The following FMN1 variants were observed in gnomAD, a reference collection of about 807,000 sequenced individuals.
FMN1 encodes formin-1.
Under a neutral mutation model 132.4 loss-of-function variants are expected in FMN1, and 110 were observed. The ratio of observed to expected loss-of-function variants is 0.83; its 90% CI spans 0.71 to 0.97. The LOEUF is 0.97. Among genes scored for constraint, FMN1 ranks in the 50% least tolerant of loss-of-function variants. The pLI is 0.00. For synonymous variants in FMN1, 722 were observed against 651.7 expected (o/e 1.11, Z -1.64); for missense variants, 1,792 against 1,705.3 (o/e 1.05, Z -0.90).
In FMN1 at chr15:32,798,932, AT is replaced by A. The variant is rs2057383854; in HGVS notation, c.4001del (p.Tyr1334PhefsTer4). The A allele has an allele frequency of 6.2e-7, 1 of 1,613,520 alleles. No homozygotes were observed. The highest frequency in any genetic ancestry group is 1.3e-5 in the African/African-American group (1 of 74,894). On this transcript the variant is annotated frameshift_variant, in exon 19 of 21. Transcript: ENST00000616417. LOFTEE classifies it high-confidence loss of function. The stretch of plus-strand genomic sequence containing the variant: ...CACCAGACTTTGGCTTCATCCCAAA[AT>A]ATCGTACTGTTGTTTCAAAACTGCA... ...AQKSFETTVR[Y>X]FGMKPKSGEK...
chr15:33,167,219 G>A (rs1323376357), intron 3 of FMN1, among the ~76,000 whole-genome samples: 1 of 152,108 alleles, frequency 6.6e-6, no homozygotes, highest in Non-Finnish European at 1.5e-5. Flanking sequence ...AATCATGGTG[G>A]CGGTTTTCCC....
chr15:33,154,766 C>T lies in FMN1; in HGVS notation c.149G>A (p.Cys50Tyr). The T allele has an allele frequency of 6.5e-7, 1 of 1,536,118 alleles. No individual in the cohort carries two copies. The highest frequency in any genetic ancestry group is 8.7e-7 in the Non-Finnish European group (1 of 1,146,928). Reference sequence around the variant, plus strand: ...GTCTGACTCCTCCCTGACTTGGTAGCAGTTATGAAAACCTTTATTGGATCT... The same window carrying T: ...GTCTGACTCCTCCCTGACTTGGTAGTAGTTATGAAAACCTTTATTGGATCT... ...LDRSNKGFHN[C>Y]YQVREESDII... The change falls in exon 4 of 21, where the codon TGC (cysteine) becomes TAC (tyrosine). Residue 50 changes from cysteine to tyrosine, a missense_variant. Physicochemically the swap from Cys to Tyr is radical, Grantham distance 194. Around this residue, in one of 3 missense-constraint regions of FMN1, gnomAD observed 638 missense variants for 645.2 expected, o/e 0.99. Coordinates refer to ENST00000616417, the MANE Select transcript of FMN1 (RefSeq NM_001277313.2).
chr15:33,016,712 C>T (rs537461912), intron 6 of FMN1, among the ~76,000 whole-genome samples: 35 of 152,316 alleles, frequency 2.3e-4, no homozygotes, highest in South Asian at 8.3e-4. Context: ...AGGAAGAGAT[C>T]TAACTCCACT....
At chr15:33,002,980 T>C (rs1043004758) in intron 7 of FMN1, among the ~76,000 whole-genome samples, 1 of 152,160 alleles carries the variant, frequency 6.6e-6, no homozygotes, top group African/African-American at 2.4e-5. Flanking sequence ...ATTATCTCAA[T>C]AGATGCAGAA....
intron 9 of FMN1, among the ~76,000 whole-genome samples, chr15:32,951,252 C>T (rs1417712927): frequency 6.6e-6 from 1 of 152,094 alleles, no homozygotes; most frequent in African/African-American, 2.4e-5. Context: ...AAAATTGTAT[C>T]ACAAACACAG....
At chr15:32,921,356 ACT>A (rs1416718460) in intron 10 of FMN1, among the ~76,000 whole-genome samples, 1 of 152,196 alleles carries the variant, frequency 6.6e-6, no homozygotes, top group Non-Finnish European at 1.5e-5. Context: ...ATCAAAGACC[ACT>A]GTAGTTGGCT....
chr15:32,998,572 G>A (rs2033914051), intron 7 of FMN1, among the ~76,000 whole-genome samples: 1 of 152,184 alleles, frequency 6.6e-6, no homozygotes, highest in South Asian at 2.1e-4. Flanking sequence ...GGACAAGTCT[G>A]GAGAGAAGGA....
intron 5 of FMN1, among the ~76,000 whole-genome samples, chr15:33,081,668 C>A (rs1440175583): frequency 6.6e-6 from 1 of 152,114 alleles, no homozygotes; most frequent in Non-Finnish European, 1.5e-5. Context: ...AGTAGTGGAG[C>A]GGTAGAAGGA....
At position 33,088,956 on chromosome 15, in the gene FMN1, A is replaced by G; in HGVS notation, c.1886T>C (p.Phe629Ser). ...QSPPGISSEG[F>S]PWDGFNEQTP... Reference sequence around the variant, plus strand: ...CTGCTCATTGAAGCCGTCCCAGGGAAAGCCCTCAGAGGAGATACCTAAACA... The same window carrying G: ...CTGCTCATTGAAGCCGTCCCAGGGAGAGCCCTCAGAGGAGATACCTAAACA... The change falls in exon 5 of 21, where the codon TTT becomes TCT. Residue 629 changes from phenylalanine (F) to serine (S), a missense_variant. Around this residue, in one of 3 missense-constraint regions of FMN1, gnomAD observed 1,150 missense variants for 1,043.1 expected, o/e 1.10. Transcript: ENST00000616417. 6.5e-7 allele frequency: 1 copy of G among 1,535,740 alleles called. No homozygotes were observed. Among genetic ancestry groups the G allele is most frequent in the South Asian group, 1.2e-5 (1 of 83,992 alleles).
At chr15:32,876,975 C>T (rs555938137) in intron 16 of FMN1, among the ~76,000 whole-genome samples, 7 of 152,296 alleles carry the variant, frequency 4.6e-5, no homozygotes, top group African/African-American at 7.2e-5. Context: ...ACTGGATAAG[C>T]GCTCTGCTCT....
At chr15:33,125,371 T>G (rs558177354) in intron 4 of FMN1, among the ~76,000 whole-genome samples, 1 of 152,316 alleles carries the variant, frequency 6.6e-6, no homozygotes, top group South Asian at 2.1e-4. Flanking sequence ...AATTCAGTCT[T>G]GAAGGTTAGT....
chr15:33,020,508 G>A (rs889880588), intron 6 of FMN1, among the ~76,000 whole-genome samples: 2 of 152,102 alleles, frequency 1.3e-5, no homozygotes, highest in Non-Finnish European at 2.9e-5. Context: ...GTAGCCGGGC[G>A]TGGTGGCAGG....
intron 4 of FMN1, among the ~76,000 whole-genome samples, chr15:33,112,913 G>A (rs1204827067): frequency 6.6e-6 from 1 of 152,202 alleles, no homozygotes; most frequent in Non-Finnish European, 1.5e-5. Flanking sequence ...GGTTACAGCT[G>A]CCCTAGGCAG....
At chr15:33,166,764 AGTT>A in intron 3 of FMN1, among the ~76,000 whole-genome samples, 1 of 152,274 alleles carries the variant, frequency 6.6e-6, no homozygotes, top group East Asian at 1.9e-4. Context: ...CCATCCTAAG[AGTT>A]AGTTATTTTG....
intron 2 of FMN1, among the ~76,000 whole-genome samples, chr15:33,185,016 C>T (rs928038736): frequency 7.9e-5 from 12 of 152,118 alleles, no homozygotes; most frequent in Admixed American, 2.0e-4. Context: ...AAAAGCTTCA[C>T]GATACCAGAC....
At chr15:33,052,160 T>G (rs1048731784) in intron 6 of FMN1, among the ~76,000 whole-genome samples, 1 of 152,312 alleles carries the variant, frequency 6.6e-6, no homozygotes, top group African/African-American at 2.4e-5. Context: ...TTCTCCAAGG[T>G]TCCTTCCAGT....
Position 32,774,233 on chromosome 15 carries a change from C to T in FMN1, c.*77G>A, listed in dbSNP as rs1449421170. The T allele has an allele frequency of 8.8e-7, 1 of 1,142,164 alleles. No individual in the cohort carries two copies. The highest frequency in any genetic ancestry group is 1.5e-5 in the African/African-American group (1 of 64,654). 70.8% of individuals were successfully genotyped at this position (1,142,164 alleles called of 1,614,324 possible). A position where few individuals can be genotyped will look rare whatever the true frequency, so the allele number is the denominator to read the frequency against. ...TAGTGACACATCTTTCAAGAACGTC[C>T]TGCAACCCTGTGGTCACAAAGAGTA... On this transcript the variant is annotated 3_prime_UTR_variant, in exon 21 of 21. Transcript: ENST00000616417.
At chr15:33,121,413 G>T (rs191519359) in intron 4 of FMN1, among the ~76,000 whole-genome samples, 1 of 152,136 alleles carries the variant, frequency 6.6e-6, no homozygotes, top group African/African-American at 2.4e-5. Context: ...GAGCACAAAG[G>T]GAGAAACTCA....
chr15:33,153,624 C>CT lies in FMN1; in HGVS notation c.1290dup (p.Asp431ArgfsTer2), dbSNP rs1964542049. ...AGTCTTTTCCCCTCAGGGGCTTCATCTAACTTCTCACTCTCTATCACCTTC... is the reference window on the plus strand; with the variant it reads ...AGTCTTTTCCCCTCAGGGGCTTCATCTTAACTTCTCACTCTCTATCACCTTC... On this transcript the variant is annotated frameshift_variant, in exon 4 of 21. Transcript: ENST00000616417. LOFTEE classifies it high-confidence loss of function. The CT allele has an allele frequency of 1.3e-6, 2 of 1,536,272 alleles. No homozygotes were observed. The highest frequency in any genetic ancestry group is 1.7e-6 in the Non-Finnish European group (2 of 1,146,916).
Sources: gnomAD v4.1 joint callset for allele counts (sites outside exome capture counted in the v4.1 genomes callset) on GRCh38, gnomAD v4.1.1 for gene constraint, gnomAD v4.1.1 regional missense constraint, MANE v1.5 for transcripts, NCBI Gene and HGNC (gene_info 2026-07-23, HGNC 2026-07-21) for gene names.